The following SCAF11 variants were observed in gnomAD, a reference collection of about 807,000 sequenced individuals.
SCAF11 encodes the protein protein SCAF11.
In SCAF11, 47 loss-of-function variants were observed where a neutral mutation model predicts 140.5. The observed-to-expected ratio is 0.33, with a 90% confidence interval of 0.26 to 0.43. The LOEUF (loss-of-function observed/expected upper bound fraction) is 0.43, where lower values mean the gene tolerates loss of function less well. Ranked by LOEUF, SCAF11 falls within the 20% of genes least tolerant of loss-of-function variation. SCAF11 has a pLI of 1.00. For missense variants in SCAF11, 1,645 were observed against 1,705.1 expected, an observed-to-expected ratio of 0.96 and a Z score of 0.62; for synonymous variants, 557 against 579.4, an observed-to-expected ratio of 0.96 and a Z score of 0.55.
rs527410529 is a variant in SCAF11 at position 45,980,782 on chromosome 12, C to T, written c.-22+9571G>A. Reference sequence around the variant, plus strand: ...CTCTATTTAGTGAGTGACTCTCATGCCCTTTTAGTGCAAAGAACCTGAGAG... The same window carrying T: ...CTCTATTTAGTGAGTGACTCTCATGTCCTTTTAGTGCAAAGAACCTGAGAG... On this transcript the variant is annotated intron_variant, in intron 1 of 14. Transcript: ENST00000369367. 3.3e-5 allele frequency among the ~76,000 whole-genome samples: 5 copies of T among 152,196 alleles called. No homozygotes were observed. In the East Asian group the frequency reaches 7.7e-4, roughly 24 times the overall value.
At chr12:45,987,006 C>T (rs1946473471) in intron 1 of SCAF11, among the ~76,000 whole-genome samples, 1 of 152,180 alleles carries the variant, frequency 6.6e-6, no homozygotes, top group African/African-American at 2.4e-5. Context: ...ATTCTTAGCT[C>T]CTTCTATATT....
Position 45,921,853 on chromosome 12 carries a change from G to T in SCAF11, c.*195C>A. The T allele has an allele frequency of 3.5e-6, 2 of 565,978 alleles. No homozygotes were observed. The highest frequency in any genetic ancestry group is 6.0e-6 in the Non-Finnish European group (2 of 332,710). The allele number at this position is 565,978 out of a possible 1,614,324, so 35.1% of individuals were successfully genotyped here. ...CCCTTGAATTTTGTGGGGGAGGGTG[G>T]AGGGGAAGGAAGGATACAGAAGTTG... is the stretch of plus-strand genomic sequence containing the variant. On this transcript the variant is annotated 3_prime_UTR_variant, in exon 15 of 15. Coordinates refer to ENST00000369367, the MANE Select transcript of SCAF11 (RefSeq NM_004719.3).
intron 1 of SCAF11, among the ~76,000 whole-genome samples, chr12:45,979,759 A>G (rs542350524): frequency 2.4e-4 from 37 of 152,284 alleles, no homozygotes; most frequent in African/African-American, 8.4e-4. Context: ...ACATAAATGT[A>G]TATGTATCAA....
rs570072708 is a variant in SCAF11 at position 45,942,279 on chromosome 12, C to T, written c.463+2970G>A. On this transcript the variant is annotated intron_variant, in intron 6 of 14. Coordinates refer to ENST00000369367, the MANE Select transcript of SCAF11 (RefSeq NM_004719.3). Reference sequence around the variant, plus strand: ...ATCAATGGTACATACAGAATGGAACCACTTATCATCATCTCCACTAATATC... The same window carrying T: ...ATCAATGGTACATACAGAATGGAACTACTTATCATCATCTCCACTAATATC... 2.3e-4 allele frequency among the ~76,000 whole-genome samples: 35 copies of T among 152,302 alleles called. No homozygotes were observed. In the South Asian group the frequency reaches 6.4e-3, roughly 28 times the overall value.
chr12:45,930,725 T>C (rs574048914), intron 10 of SCAF11, among the ~76,000 whole-genome samples: 47 of 152,204 alleles, frequency 3.1e-4, no homozygotes, highest in Non-Finnish European at 5.3e-4. Flanking sequence ...TGAGTGTGTA[T>C]ATGTTTTGAT....
rs1944690092 is a variant in SCAF11, at chr12:45,920,852, T to C, written c.*1196A>G. 1 of 152,334 alleles carries C rather than the reference T, an allele frequency of 6.6e-6. No homozygotes were observed. Among genetic ancestry groups the C allele is most frequent in the Non-Finnish European group, 1.5e-5 (1 of 68,042 alleles). The allele number at this position is 152,334 out of a possible 1,614,324, so 9.4% of individuals were successfully genotyped here. A position where few individuals can be genotyped will look rare whatever the true frequency, so the allele number is the denominator to read the frequency against. On this transcript the variant is annotated 3_prime_UTR_variant, in exon 15 of 15. Transcript: ENST00000369367. ...CTTTACGCCAGTGCCATGAGTCTTG[T>C]AATTCTTAGCCCCAAGGAAGGGAGG...
intron 6 of SCAF11, among the ~76,000 whole-genome samples, chr12:45,941,473 CCACACTGCTGTA>C (rs1407066990): frequency 6.6e-6 from 1 of 152,100 alleles, no homozygotes; most frequent in Admixed American, 6.5e-5. Context: ...TTAATTATAT[CCACACTGCTGTA>C]CATCTATACA....
At chr12:45,937,002 CTT>C (rs990073158) in intron 6 of SCAF11, among the ~76,000 whole-genome samples, 5 of 152,198 alleles carry the variant, frequency 3.3e-5, no homozygotes, top group Middle Eastern at 3.4e-3. Flanking sequence ...TACTCTCTCT[CTT>C]GTCATCCTCA....
intron 4 of SCAF11, among the ~76,000 whole-genome samples, chr12:45,949,424 AAAAAT>A (rs1278479806): frequency 6.6e-5 from 10 of 152,206 alleles, no homozygotes; most frequent in Non-Finnish European, 1.0e-4. Context: ...ATATTGGATT[AAAAAT>A]AAAATATATC....
Position 45,923,015 on chromosome 12 carries a change from G to C in SCAF11, c.4046C>G (p.Ser1349Cys), listed in dbSNP as rs777935706. The change falls in exon 13 of 15, where the codon TCT becomes TGT. Residue 1349 changes from serine to cysteine, a missense_variant. Physicochemically the swap from Ser to Cys is moderately radical, Grantham distance 112. This residue lies in a region of SCAF11 where 1,582 missense variants were observed against 1,609.2 expected (regional missense o/e 0.98). Coordinates refer to ENST00000369367, the MANE Select transcript of SCAF11 (RefSeq NM_004719.3). ...NTSSSSHSKA[S>C]NAAVKLAESK... ...TTCTGCCAATTTTACAGCAGCATTA[G>C]AGGCTTTGCTGTGACTTGATGACGA... 1.2e-6 allele frequency: 2 copies of C among 1,614,062 alleles called. No homozygotes were observed. The highest frequency in any genetic ancestry group is 1.3e-5 in the African/African-American group (1 of 74,928).
rs1218375355 is a variant in SCAF11 at position 45,925,078 on chromosome 12, T to C, written c.3560-4A>G. ...GTTTGGTCTTTTAGGCTAGAATCTA[T>C]CAAAAGAAAAAAAGCTTGTGAAAAA... On this transcript the variant is annotated splice_region_variant and splice_polypyrimidine_tract_variant and intron_variant, in intron 11 of 14. Coordinates refer to ENST00000369367, the MANE Select transcript of SCAF11 (RefSeq NM_004719.3). The C allele has an allele frequency of 1.3e-6, 2 of 1,585,860 alleles. No homozygotes were observed. Among genetic ancestry groups the C allele is most frequent in the South Asian group, 1.1e-5 (1 of 88,506 alleles).
chr12:45,948,788 A>G (rs188671407), intron 4 of SCAF11, among the ~76,000 whole-genome samples: 1 of 152,314 alleles, frequency 6.6e-6, no homozygotes, highest in East Asian at 1.9e-4. Context: ...ATGAACACAG[A>G]TTTGTATATA....
chr12:45,924,644 G>T, intron 12 of SCAF11, 84 bp downstream of exon 12: 1 of 1,056,032 alleles, frequency 9.5e-7, no homozygotes, highest in Non-Finnish European at 1.4e-6. Context: ...TGAATGCCAG[G>T]ATGCCTTTTT....
chr12:45,957,755 C>G (rs1945726766), intron 3 of SCAF11, among the ~76,000 whole-genome samples: 1 of 152,152 alleles, frequency 6.6e-6, no homozygotes, highest in South Asian at 2.1e-4. Flanking sequence ...AGAACATCCT[C>G]ATCACATATA....
intron 1 of SCAF11, among the ~76,000 whole-genome samples, chr12:45,978,150 C>G (rs115184073): frequency 6.6e-6 from 1 of 152,182 alleles, no homozygotes; most frequent in Admixed American, 6.5e-5. Context: ...GCTTCCATTA[C>G]TTCTCCAAAT....
At chr12:45,967,033 T>C (rs1945966012) in intron 1 of SCAF11, among the ~76,000 whole-genome samples, 1 of 152,198 alleles carries the variant, frequency 6.6e-6, no homozygotes, top group Non-Finnish European at 1.5e-5. Context: ...TTTAATAGTC[T>C]AACCTATGCT....
rs373741424 is a variant in SCAF11, at chr12:45,927,108, G to A, written c.2593C>T (p.Arg865Trp). 97 of 1,614,056 alleles carry A rather than the reference G, an allele frequency of 6.0e-5. No homozygotes were observed. Among genetic ancestry groups the A allele is most frequent in the Non-Finnish European group, 7.5e-5 (88 of 1,179,998 alleles). The change falls in exon 11 of 15, where the codon CGG becomes TGG. Residue 865 changes from arginine to tryptophan, a missense_variant. This residue lies in a region of SCAF11 where 1,582 missense variants were observed against 1,609.2 expected (regional missense o/e 0.98). Transcript: ENST00000369367. ...CTAGTAGTATCCCTTTTTGGAGACC[G>A]AGACTGAGATTGCCTCCTTTCTCTT... ...IARERRQSQSRSPKRDTTRES... is the reference protein window; with the variant it reads ...IARERRQSQSWSPKRDTTRES...
chr12:45,988,071 A>C (rs888115136), intron 1 of SCAF11, among the ~76,000 whole-genome samples: 2 of 152,232 alleles, frequency 1.3e-5, no homozygotes, highest in Non-Finnish European at 2.9e-5. Context: ...AACAGTTATT[A>C]CTGCTCAGAA....
chr12:45,947,599 G>T (rs938546914), intron 5 of SCAF11, among the ~76,000 whole-genome samples: 1 of 152,116 alleles, frequency 6.6e-6, no homozygotes, highest in Non-Finnish European at 1.5e-5. Flanking sequence ...TTTACAGTGT[G>T]GTATGAGCAC....
Sources: allele counts gnomAD v4.1 joint callset (sites outside exome capture counted in the v4.1 genomes callset), GRCh38; gene constraint gnomAD v4.1.1; regional missense constraint gnomAD v4.1.1; transcripts MANE v1.5; gene names NCBI Gene and HGNC (gene_info 2026-07-23, HGNC 2026-07-21).